Variants in RAB11FIP3 observed in about 807,000 individuals in gnomAD.
RAB11FIP3 encodes rab11 family-interacting protein 3.
Under a neutral mutation model 77.8 loss-of-function variants are expected in RAB11FIP3, and 17 were observed. The observed-to-expected ratio is 0.22, with a 90% CI of 0.15 to 0.33. The LOEUF is 0.33. RAB11FIP3 is among the 10% of genes least tolerant of loss of function. The probability of loss-of-function intolerance (pLI) is 1.00; values close to 1 mark genes in which losing one functional copy is unlikely to be tolerated. For missense variants in RAB11FIP3, 1,005 were observed against 1,011.2 expected, an observed-to-expected ratio of 0.99 and a Z score of 0.08; for synonymous variants, 437 against 448.2, an observed-to-expected ratio of 0.98 and a Z score of 0.31.
chr16:438,399 TC>T (rs995398211), intron 1 of RAB11FIP3, among the ~76,000 whole-genome samples: 4 of 145,996 alleles, frequency 2.7e-5, no homozygotes, highest in Admixed American at 1.4e-4. Flanking sequence ...AGCCGCTGCG[TC>T]CGGCTTTTTT....
intron 6 of RAB11FIP3, chr16:497,500 C>T (rs971449476): frequency 2.1e-5 from 25 of 1,184,172 alleles, no homozygotes; most frequent in African/African-American, 9.6e-5. Flanking sequence ...CGTCCTGCTT[C>T]GTGGCCCGGC....
intron 4 of RAB11FIP3, among the ~76,000 whole-genome samples, chr16:485,788 C>G (rs1339797532): frequency 6.6e-6 from 1 of 152,224 alleles, no homozygotes; most frequent in African/African-American, 2.4e-5. Context: ...TTGTGTCCCA[C>G]TTGATAAATC....
intron 6 of RAB11FIP3, among the ~76,000 whole-genome samples, chr16:501,503 CA>C (rs2031517119): frequency 6.9e-6 from 1 of 144,308 alleles, no homozygotes; most frequent in East Asian, 2.1e-4. Flanking sequence ...AGGGTCCCCC[CA>C]TTTCATAGGC....
In RAB11FIP3 at chr16:520,289, T is replaced by C. The variant is rs2032623070; in HGVS notation, c.2016+12T>C. 1 of 1,545,342 alleles carries C rather than the reference T, an allele frequency of 6.5e-7. No individual in the cohort carries two copies. The highest frequency in any genetic ancestry group is 8.7e-7 in the Non-Finnish European group (1 of 1,147,156). ...GCAGGCTGAAGCAGGTGGGCAGGCC[T>C]GGGCCTCCCTCCCTCACACTCCTGC... On this transcript the variant is annotated intron_variant, in intron 12 of 13. Transcript: ENST00000262305.
chr16:470,527 G>A lies in RAB11FIP3; in HGVS notation c.809-768G>A, dbSNP rs115410406. On this transcript the variant is annotated intron_variant, in intron 2 of 13. Transcript: ENST00000262305. ...TTTTATAAGTAGCTGGTCTATTTTA[G>A]GCAAGTAGTTGAATTAATAGTGAGA... Among the ~76,000 whole-genome samples the A allele has an allele frequency of 6.1e-3, 929 of 152,356 alleles. 10 individuals are homozygous for A. The highest frequency in any genetic ancestry group is 0.021 in the African/African-American group (884 of 41,588).
chr16:468,210 G>A (rs1382647459), intron 2 of RAB11FIP3, among the ~76,000 whole-genome samples: 46 of 140,394 alleles, frequency 3.3e-4, no homozygotes, highest in Non-Finnish European at 5.5e-4. Flanking sequence ...GGAAGTCAGG[G>A]AGGAGGTGCT....
Position 445,432 on chromosome 16 carries a change from C to T in RAB11FIP3, c.715-15972C>T, listed in dbSNP as rs565576389. On this transcript the variant is annotated intron_variant, in intron 1 of 13. Transcript: ENST00000262305. ...CCAGCCTGGGTGACAGAGCAAGACT[C>T]TTGTCTCAAAATAAAAATAAAAATA... 8.2e-4 allele frequency among the ~76,000 whole-genome samples: 124 copies of T among 151,240 alleles called. 1 individual carries two copies. In the South Asian group the frequency reaches 0.011, roughly 13 times the overall value.
At chr16:460,381 G>A (rs565543023) in intron 1 of RAB11FIP3, among the ~76,000 whole-genome samples, 2 of 152,046 alleles carry the variant, frequency 1.3e-5, no homozygotes, top group Non-Finnish European at 2.9e-5. Flanking sequence ...ATAGGCAAAC[G>A]TGTGCCATGG....
chr16:442,420 C>T (rs993947995), intron 1 of RAB11FIP3, among the ~76,000 whole-genome samples: 4 of 152,132 alleles, frequency 2.6e-5, no homozygotes, highest in African/African-American at 4.8e-5. Context: ...CATTCTGGAG[C>T]GTTATTAGAA....
intron 6 of RAB11FIP3, among the ~76,000 whole-genome samples, chr16:500,774 CGTT>C (rs893315643): frequency 4.6e-5 from 7 of 150,790 alleles, no homozygotes; most frequent in African/African-American, 9.8e-5. Context: ...CTCTGCCTCA[CGTT>C]GGTGGCCACG....
chr16:433,889 C>G (rs1040238563), intron 1 of RAB11FIP3, among the ~76,000 whole-genome samples: 18 of 151,198 alleles, frequency 1.2e-4, no homozygotes, highest in African/African-American at 4.1e-4. Flanking sequence ...CATTGTGTAT[C>G]TATATTACAT....
At position 514,037 on chromosome 16, in the gene RAB11FIP3, T is replaced by C. The variant is rs1216895336; in HGVS notation, c.1640+3237T>C. 6.6e-6 allele frequency among the ~76,000 whole-genome samples: 1 copy of C among 152,152 alleles called. No homozygotes were observed. The highest frequency in any genetic ancestry group is 1.5e-5 in the Non-Finnish European group (1 of 68,024). On this transcript the variant is annotated intron_variant, in intron 9 of 13. Transcript: ENST00000262305. The surrounding 1 kb of genome is among the most constrained non-coding windows in gnomAD (Gnocchi z 4.6). The stretch of plus-strand genomic sequence containing the variant: ...CCTGCCGCCTCTGTGTGCTCTGGTG[T>C]GGAGGGGCACAAGATAGGGGTCTCA...
At chr16:484,958 C>G (rs2056123644) in intron 4 of RAB11FIP3, among the ~76,000 whole-genome samples, 1 of 152,128 alleles carries the variant, frequency 6.6e-6, no homozygotes, top group Non-Finnish European at 1.5e-5. Flanking sequence ...GTGGCCATGT[C>G]TGCTCTCCTG....
At chr16:457,627 A>G (rs1316376869) in intron 1 of RAB11FIP3, among the ~76,000 whole-genome samples, 2 of 152,172 alleles carry the variant, frequency 1.3e-5, no homozygotes, top group Admixed American at 6.6e-5. Flanking sequence ...TAAAGAAAAT[A>G]TAATTAAAAT....
chr16:491,763 A>T (rs551422384), intron 5 of RAB11FIP3, among the ~76,000 whole-genome samples: 1 of 151,986 alleles, frequency 6.6e-6, no homozygotes, highest in Admixed American at 6.5e-5. Context: ...GTTACAGAAG[A>T]CGGTTTTGAG....
chr16:489,096 C>G, intron 5 of RAB11FIP3, 96 bp downstream of exon 5: 1 of 1,341,524 alleles, frequency 7.5e-7, no homozygotes, highest in Non-Finnish European at 1.0e-6. Flanking sequence ...GGTGAGAGAA[C>G]TTGCTTTCCT....
At chr16:459,369 G>T (rs1053678093) in intron 1 of RAB11FIP3, among the ~76,000 whole-genome samples, 1 of 149,750 alleles carries the variant, frequency 6.7e-6, no homozygotes, top group Non-Finnish European at 1.5e-5. Flanking sequence ...CAGGTGATCC[G>T]CCTGCTTCAG....
chr16:440,086 C>T (rs1173342917), intron 1 of RAB11FIP3, among the ~76,000 whole-genome samples: 1 of 152,008 alleles, frequency 6.6e-6, no homozygotes. Flanking sequence ...ATGATCCGCC[C>T]CCCCCATCGG....
intron 1 of RAB11FIP3, among the ~76,000 whole-genome samples, chr16:443,858 C>T (rs1353205496): frequency 2.6e-5 from 4 of 152,202 alleles, no homozygotes; most frequent in African/African-American, 4.8e-5. Context: ...GCCATCGCGC[C>T]CGGCCTGGAT....
Sources: gnomAD v4.1 joint callset for allele counts (sites outside exome capture counted in the v4.1 genomes callset) on GRCh38, gnomAD v4.1.1 for gene constraint, Gnocchi (gnomAD v3.1) non-coding constraint, MANE v1.5 for transcripts, NCBI Gene and HGNC (gene_info 2026-07-23, HGNC 2026-07-21) for gene names.